The following AGK variants were observed in gnomAD, a reference collection of about 807,000 sequenced individuals.
The protein encoded by AGK is acylglycerol kinase, mitochondrial.
A neutral mutation model predicts 66.4 loss-of-function variants in AGK; 52 were observed. The observed-to-expected ratio is 0.78, with a 90% confidence interval of 0.63 to 0.99. The LOEUF is 0.99. Ranked by LOEUF, AGK falls within the 50% of genes least tolerant of loss-of-function variation. The probability of loss-of-function intolerance (pLI) is 0.00; values close to 1 mark genes in which losing one functional copy is unlikely to be tolerated. For missense variants in AGK, 451 were observed against 506.6 expected (o/e 0.89, Z 1.05); for synonymous variants, 182 against 181.1 (o/e 1.00, Z -0.04).
At chr7:141,646,075 C>A in intron 13 of AGK, among the ~76,000 whole-genome samples, 1 of 152,050 alleles carries the variant, frequency 6.6e-6, no homozygotes, top group Non-Finnish European at 1.5e-5. Context: ...GGAGAGGGAG[C>A]CCACACAGAG....
intron 2 of AGK, among the ~76,000 whole-genome samples, chr7:141,580,047 G>A (rs534862701): frequency 2.6e-5 from 4 of 152,050 alleles, no homozygotes; most frequent in South Asian, 2.1e-4. Flanking sequence ...AGCTTCCTTC[G>A]GAAGTAAAGC....
At chr7:141,587,851 C>T (rs941392936) in intron 2 of AGK, among the ~76,000 whole-genome samples, 6 of 152,198 alleles carry the variant, frequency 3.9e-5, no homozygotes, top group Non-Finnish European at 7.3e-5. Flanking sequence ...TATTCACCAG[C>T]GTGTCCAAGA....
chr7:141,593,310 T>A (rs1213718701), intron 3 of AGK, 125 bp downstream of exon 3: 2 of 851,522 alleles, frequency 2.3e-6, no homozygotes, highest in Non-Finnish European at 3.9e-6. Context: ...TTTAGCACTA[T>A]CAGGATGAAT....
rs1797634655 is a variant in AGK at position 141,654,226 on chromosome 7, G to A, written c.*1302G>A. 3 of 151,990 alleles carry A rather than the reference G, an allele frequency of 2.0e-5. No individual in the cohort carries two copies. Among genetic ancestry groups the A allele is most frequent in the Admixed American group, 2.0e-4 (3 of 15,268 alleles). The allele number at this position is 151,990 out of a possible 1,614,324, so 9.4% of individuals were successfully genotyped here. A position where few individuals can be genotyped will look rare whatever the true frequency, so the allele number is the denominator to read the frequency against. The stretch of plus-strand genomic sequence containing the variant: ...TTAATTATTGGTATATAATGAAAAC[G>A]GTATTAATTCTTGGATGATTAAAAG... On this transcript the variant is annotated 3_prime_UTR_variant, in exon 16 of 16. Transcript: ENST00000649286.
chr7:141,647,734 G>A (rs186650535), intron 13 of AGK, among the ~76,000 whole-genome samples: 5 of 152,260 alleles, frequency 3.3e-5, no homozygotes, highest in East Asian at 1.9e-4. Flanking sequence ...GCAATCGTGC[G>A]ATATTGGCTC....
chr7:141,604,374 GTATATATATATA>G (rs368893843), intron 5 of AGK, among the ~76,000 whole-genome samples: 25 of 113,802 alleles, frequency 2.2e-4, no homozygotes, highest in African/African-American at 6.8e-4. Context: ...GTGTGTGTGT[GTATATATATATA>G]TATATATATA....
In AGK at chr7:141,615,466, C is replaced by A. The variant is rs113599212; in HGVS notation, c.424-5C>A. Reference sequence around the variant, plus strand: ...ATAAAACTTTCCTCTTCTTTCCCCCCCCAGGCTACCTTCAGTAAGATTCCC... The same window carrying A: ...ATAAAACTTTCCTCTTCTTTCCCCCACCAGGCTACCTTCAGTAAGATTCCC... On this transcript the variant is annotated splice_polypyrimidine_tract_variant and splice_region_variant and intron_variant, in intron 7 of 15. Coordinates refer to ENST00000649286, the MANE Select transcript of AGK (RefSeq NM_018238.4). 4.1e-5 allele frequency: 66 copies of A among 1,612,490 alleles called. No homozygotes were observed. In the Middle Eastern group the frequency reaches 6.6e-4, roughly 16 times the overall value.
intron 2 of AGK, among the ~76,000 whole-genome samples, chr7:141,587,358 C>T (rs1267852336): frequency 1.3e-5 from 2 of 152,306 alleles, no homozygotes; most frequent in African/African-American, 4.8e-5. Flanking sequence ...GCCTTCTTCA[C>T]ACACTGCAGC....
intron 2 of AGK, among the ~76,000 whole-genome samples, chr7:141,568,188 C>T (rs751289276): frequency 1.3e-5 from 2 of 152,130 alleles, no homozygotes; most frequent in African/African-American, 2.4e-5. Context: ...TTATTTATTT[C>T]GCCTTTCATA....
intron 4 of AGK, chr7:141,599,196 A>G (rs1457203445): frequency 6.6e-6 from 1 of 152,132 alleles, no homozygotes; most frequent in Admixed American, 6.5e-5. Context: ...ATAATTTATA[A>G]TTTATCATGT....
intron 2 of AGK, among the ~76,000 whole-genome samples, chr7:141,582,951 G>A (rs1795912739): frequency 6.6e-6 from 1 of 151,778 alleles, no homozygotes; most frequent in East Asian, 1.9e-4. Flanking sequence ...AATACTTGGG[G>A]TTGGGACTGA....
intron 5 of AGK, among the ~76,000 whole-genome samples, chr7:141,608,309 G>A (rs909249546): frequency 7.2e-5 from 11 of 152,098 alleles, no homozygotes; most frequent in Admixed American, 5.9e-4. Flanking sequence ...AAGGAAGGTG[G>A]GTCTGACAAG....
chr7:141,612,177 A>G (rs1243559527), intron 6 of AGK, among the ~76,000 whole-genome samples: 1 of 152,234 alleles, frequency 6.6e-6, no homozygotes, highest in East Asian at 1.9e-4. Flanking sequence ...ATGAAAAGAC[A>G]TGGAGGAAAC....
At chr7:141,591,155 T>C (rs1305766393) in intron 2 of AGK, among the ~76,000 whole-genome samples, 2 of 133,114 alleles carry the variant, frequency 1.5e-5, no homozygotes, top group Non-Finnish European at 3.1e-5. Context: ...CGCAATGGCG[T>C]GATCTTGGCT....
chr7:141,597,890 C>CAAAAAAAAA (rs56295907), intron 4 of AGK, among the ~76,000 whole-genome samples: 26 of 71,428 alleles, frequency 3.6e-4, no homozygotes, highest in South Asian at 1.1e-3. Context: ...GACTCTGTCT[C>CAAAAAAAAA]AAAAAAAAAA....
chr7:141,614,121 C>T, intron 6 of AGK, 25 bp from the exon 7 acceptor site: 2 of 1,465,752 alleles, frequency 1.4e-6, no homozygotes, highest in Non-Finnish European at 1.9e-6. Context: ...TTATTTATAA[C>T]AATGTTTTAT....
chr7:141,609,138 A>G (rs1796523931), intron 5 of AGK, among the ~76,000 whole-genome samples: 1 of 152,186 alleles, frequency 6.6e-6, no homozygotes, highest in Non-Finnish European at 1.5e-5. Context: ...TTCACTGTGA[A>G]TTAATGTCAT....
intron 5 of AGK, among the ~76,000 whole-genome samples, chr7:141,605,306 C>T (rs1310056876): frequency 6.6e-6 from 1 of 151,978 alleles, no homozygotes; most frequent in Non-Finnish European, 1.5e-5. Context: ...GTGAGTCAAC[C>T]CCGCTTTTAT....
At chr7:141,627,093 G>A (rs1164065734) in intron 9 of AGK, among the ~76,000 whole-genome samples, 1 of 152,088 alleles carries the variant, frequency 6.6e-6, no homozygotes, top group Non-Finnish European at 1.5e-5. Flanking sequence ...AGCTATAAAT[G>A]GTGTTCATTG....
Sources: allele counts gnomAD v4.1 joint callset (sites outside exome capture counted in the v4.1 genomes callset), GRCh38; gene constraint gnomAD v4.1.1; transcripts MANE v1.5; gene names NCBI Gene and HGNC (gene_info 2026-07-23, HGNC 2026-07-21).